The following ASTL variants were observed in gnomAD, a reference collection of about 807,000 sequenced individuals.
ASTL encodes the protein astacin-like metalloendopeptidase.
In ASTL, 27 loss-of-function variants were observed where a neutral mutation model predicts 36.7. That is an observed-to-expected ratio of 0.73 (90% CI 0.54 to 1.01). The LOEUF (loss-of-function observed/expected upper bound fraction) is 1.01. Among genes scored for constraint, ASTL ranks in the 50% least tolerant of loss-of-function variants. The probability of loss-of-function intolerance (pLI) is 0.00; values close to 1 mark genes in which losing one functional copy is unlikely to be tolerated. For synonymous variants in ASTL, 222 were observed against 228.1 expected (o/e 0.97, Z 0.24); for missense variants, 524 against 572.8 (o/e 0.91, Z 0.87).
In ASTL at chr2:96,124,042, G is replaced by A. The variant is rs1185564142; in HGVS notation, c.1104C>T (p.Ser368=). 1 of 1,613,970 alleles carries A rather than the reference G, an allele frequency of 6.2e-7. No homozygotes were observed. The highest frequency in any genetic ancestry group is 8.5e-7 in the Non-Finnish European group (1 of 1,179,948). ...ASARQPQTLA[S]SPRSRPGAGA... ...CTGCTCCAGGCCTTGATCTTGGGGA[G>A]GAAGCTAGGGTCTGAGGCTGCCTTG... Residue 368 remains serine, a synonymous_variant, in exon 9 of 9, where the codon TCC becomes TCT. Coordinates refer to ENST00000342380, the MANE Select transcript of ASTL (RefSeq NM_001002036.4). The surrounding 1 kb of genome is among the most constrained non-coding windows in gnomAD (Gnocchi z 4.1).
chr2:96,126,908 C>G lies in ASTL; in HGVS notation c.875-2637G>C, dbSNP rs914791345. The stretch of plus-strand genomic sequence containing the variant: ...AACATGGAGTTATTGTAGGACCTAG[C>G]AATTCCATTCCTAGCTGTATACCCA... On this transcript the variant is annotated intron_variant, in intron 8 of 8. Transcript: ENST00000342380. Among the ~76,000 whole-genome samples the G allele has an allele frequency of 1.3e-4, 19 of 151,710 alleles. 1 individual carries two copies. Among genetic ancestry groups the G allele is most frequent in the Non-Finnish European group, 2.6e-4 (18 of 67,966 alleles).
At chr2:96,130,253 G>T in intron 6 of ASTL, 108 bp from the exon 7 acceptor site, 1 of 846,744 alleles carries the variant, frequency 1.2e-6, no homozygotes, top group Non-Finnish European at 2.0e-6. Flanking sequence ...CACCCAAGCT[G>T]AGGGGCTGAG....
In ASTL at chr2:96,132,517, G is replaced by A. The variant is rs752138502; in HGVS notation, c.637+23C>T. ...GCTGTCCCCTCCCCGGCACCAGCCTGTCCTGCGTGTGGCCTGGCTCACCTG... is the reference window on the plus strand; with the variant it reads ...GCTGTCCCCTCCCCGGCACCAGCCTATCCTGCGTGTGGCCTGGCTCACCTG... On this transcript the variant is annotated intron_variant, in intron 6 of 8. Transcript: ENST00000342380. This position sits in a 1 kb window ranked among gnomAD's most constrained non-coding sequence, Gnocchi z 5.4. 13 of 1,574,054 alleles carry A rather than the reference G, an allele frequency of 8.3e-6. No individual in the cohort carries two copies. Among genetic ancestry groups the A allele is most frequent in the Admixed American group, 3.4e-5 (2 of 58,676 alleles).
rs1352129644 is a variant in ASTL, at chr2:96,123,951, A to T, written c.1195T>A (p.Ser399Thr). 6.2e-6 allele frequency: 10 copies of T among 1,613,880 alleles called. No homozygotes were observed. The African/African-American group carries it at 6.7e-5, about 11-fold the overall frequency. Reference sequence around the variant, plus strand: ...ACTGGCTGGATTCCTGCTTCTGAAGATGGGACTGTGGGCTTGGTGGACACT... The same window carrying T: ...ACTGGCTGGATTCCTGCTTCTGAAGTTGGGACTGTGGGCTTGGTGGACACT... Reference protein sequence around the residue: ...AGVSTKPTVPSSEAGIQPVPV... With the variant: ...AGVSTKPTVPTSEAGIQPVPV... The change falls in exon 9 of 9, where the codon TCT (serine) becomes ACT (threonine). Residue 399 changes from serine to threonine, a missense_variant. By Grantham distance (58) the Ser-to-Thr change is moderately conservative. Coordinates refer to ENST00000342380, the MANE Select transcript of ASTL (RefSeq NM_001002036.4).
chr2:96,126,054 A>T (rs557116289), intron 8 of ASTL, among the ~76,000 whole-genome samples: 2 of 152,172 alleles, frequency 1.3e-5, no homozygotes, highest in Non-Finnish European at 2.9e-5. Context: ...TAGGTCATAT[A>T]CCTAAATGTA....
At position 96,124,306 on chromosome 2, in the gene ASTL, A is replaced by G; in HGVS notation, c.875-35T>C. On this transcript the variant is annotated intron_variant, in intron 8 of 8. Coordinates refer to ENST00000342380, the MANE Select transcript of ASTL (RefSeq NM_001002036.4). This position sits in a 1 kb window ranked among gnomAD's most constrained non-coding sequence, Gnocchi z 4.1. ...AAAAGACAGGAGGTGGAACCTCAGA[A>G]CTGTAGGATGACATGTGGCCCAGCT... The G allele has an allele frequency of 6.7e-7, 1 of 1,481,978 alleles. No homozygotes were observed. The highest frequency in any genetic ancestry group is 1.5e-5 in the South Asian group (1 of 68,880). The allele number at this position is 1,481,978 out of a possible 1,614,324, so 91.8% of individuals were successfully genotyped here. A position where few individuals can be genotyped will look rare whatever the true frequency, so the allele number is the denominator to read the frequency against.
chr2:96,125,325 T>C (rs957330821), intron 8 of ASTL, among the ~76,000 whole-genome samples: 3 of 152,242 alleles, frequency 2.0e-5, no homozygotes, highest in Admixed American at 1.3e-4. Context: ...CCCTTCTCCC[T>C]ACCTCTGGTG....
At position 96,122,855 on chromosome 2, in the gene ASTL, A is replaced by G. The variant is rs1388986686; in HGVS notation, c.*995T>C. Among the ~76,000 whole-genome samples the G allele has an allele frequency of 6.6e-6, 1 of 152,138 alleles. No individual in the cohort carries two copies. Among genetic ancestry groups the G allele is most frequent in the East Asian group, 1.9e-4 (1 of 5,186 alleles). On this transcript the variant is annotated 3_prime_UTR_variant, in exon 9 of 9. Coordinates refer to ENST00000342380, the MANE Select transcript of ASTL (RefSeq NM_001002036.4). ...ACTCCACTTTATTTCCTCCCCCAACATGTGGGGCTCCTGCCCCTTCTACCC... is the reference window on the plus strand; with the variant it reads ...ACTCCACTTTATTTCCTCCCCCAACGTGTGGGGCTCCTGCCCCTTCTACCC...
chr2:96,132,870 C>T lies in ASTL; in HGVS notation c.456-149G>A. 2.9e-6 allele frequency: 2 copies of T among 697,822 alleles called. No individual in the cohort carries two copies. The highest frequency in any genetic ancestry group is 2.3e-6 in the Non-Finnish European group (1 of 439,274). The allele number at this position is 697,822 out of a possible 1,614,324, so 43.2% of individuals were successfully genotyped here. A position where few individuals can be genotyped will look rare whatever the true frequency, so the allele number is the denominator to read the frequency against. ...GGGCTCTAGTCTCAGGTTCACCATT[C>T]TCCAGGCCCCTTTACTGCCTGGACT... On this transcript the variant is annotated intron_variant, in intron 5 of 8. Transcript: ENST00000342380. The surrounding 1 kb of genome is among the most constrained non-coding windows in gnomAD (Gnocchi z 5.4).
At chr2:96,135,578 C>T (rs1366176446) in intron 2 of ASTL, among the ~76,000 whole-genome samples, 166 bp from the exon 3 acceptor site, 2 of 152,266 alleles carry the variant, frequency 1.3e-5, no homozygotes, top group Non-Finnish European at 2.9e-5. Flanking sequence ...GTCATCGGCT[C>T]TCCGAGCCTG....
In ASTL at chr2:96,133,958, C is replaced by A; in HGVS notation, c.337+7G>T. 6.2e-7 allele frequency: 1 copy of A among 1,600,068 alleles called. No individual in the cohort carries two copies. The highest frequency in any genetic ancestry group is 8.6e-7 in the Non-Finnish European group (1 of 1,167,274). Reference sequence around the variant, plus strand: ...AGGCAGGGAGGGAGCGCGCCATGCTCACTCACCGTACTTGCTGGAGAGCAG... The same window carrying A: ...AGGCAGGGAGGGAGCGCGCCATGCTAACTCACCGTACTTGCTGGAGAGCAG... On this transcript the variant is annotated splice_region_variant and intron_variant, in intron 4 of 8. Transcript: ENST00000342380.
At position 96,133,403 on chromosome 2, in the gene ASTL, G is replaced by C. The variant is rs777029474; in HGVS notation, c.455+22C>G. On this transcript the variant is annotated intron_variant, in intron 5 of 8. Transcript: ENST00000342380. Reference sequence around the variant, plus strand: ...TGAACGCAGAAGCGAGCTGAGATACGCATCCTGGCCCCGGCACTTACCCAT... The same window carrying C: ...TGAACGCAGAAGCGAGCTGAGATACCCATCCTGGCCCCGGCACTTACCCAT... 19 of 1,448,340 alleles carry C rather than the reference G, an allele frequency of 1.3e-5. No individual in the cohort carries two copies. The South Asian group carries it at 1.5e-4, about 11-fold the overall frequency. The allele number at this position is 1,448,340 out of a possible 1,614,324, so 89.7% of individuals were successfully genotyped here.
At position 96,130,049 on chromosome 2, in the gene ASTL, A is replaced by C. The variant is rs1222436035; in HGVS notation, c.719+15T>G. On this transcript the variant is annotated intron_variant, in intron 7 of 8. Transcript: ENST00000342380. ...GGCTGGGGGAAGCAGAGGGAGAAGAAGGCAGGGTCCTCACCTCCCATAGTG... is the reference window on the plus strand; with the variant it reads ...GGCTGGGGGAAGCAGAGGGAGAAGACGGCAGGGTCCTCACCTCCCATAGTG... The C allele has an allele frequency of 1.1e-5, 18 of 1,613,472 alleles. No homozygotes were observed. Among genetic ancestry groups the C allele is most frequent in the Middle Eastern group, 1.6e-4 (1 of 6,072 alleles).
In ASTL at chr2:96,132,056, TC is replaced by T. The variant is rs1682190452; in HGVS notation, c.637+483del. ...TGCTCACTGGCACCACTGGCACATG[TC>T]CCAGCCCCACAGTGCTGCCCTCAGC... On this transcript the variant is annotated intron_variant, in intron 6 of 8. Coordinates refer to ENST00000342380, the MANE Select transcript of ASTL (RefSeq NM_001002036.4). The surrounding 1 kb of genome is among the most constrained non-coding windows in gnomAD (Gnocchi z 5.4). 6.6e-6 allele frequency among the ~76,000 whole-genome samples: 1 copy of T among 152,192 alleles called. No homozygotes were observed. The highest frequency in any genetic ancestry group is 2.4e-5 in the African/African-American group (1 of 41,442).
In ASTL at chr2:96,132,719, C is replaced by G. The variant is rs1414975057; in HGVS notation, c.458G>C (p.Cys153Ser). The change falls in exon 6 of 9, where the codon TGC (cysteine) becomes TCC (serine). Residue 153 changes from cysteine to serine, a missense_variant and splice_region_variant. Physicochemically the swap from Cys to Ser is moderately radical, Grantham distance 112. Transcript: ENST00000342380. The surrounding 1 kb of genome is among the most constrained non-coding windows in gnomAD (Gnocchi z 5.4). ...TCCACTGCGCCCCACACTCGAGAAG[C>G]ACCTGCAGGGTGATGAGAGCAAGTG... Reference protein sequence around the residue: ...DFISIIPMYGCFSSVGRSGGM... With the variant: ...DFISIIPMYGSFSSVGRSGGM... 2 of 1,608,064 alleles carry G rather than the reference C, an allele frequency of 1.2e-6. No individual in the cohort carries two copies. The highest frequency in any genetic ancestry group is 1.7e-6 in the Non-Finnish European group (2 of 1,175,610).
chr2:96,132,632 T>C lies in ASTL; in HGVS notation c.545A>G (p.His182Arg), dbSNP rs147042054. 72 of 1,613,544 alleles carry C rather than the reference T, an allele frequency of 4.5e-5. No individual in the cohort carries two copies. The highest frequency in any genetic ancestry group is 6.1e-5 in the Non-Finnish European group (72 of 1,179,830). Residue 182 changes from histidine to arginine, a missense_variant, in exon 6 of 9, where the codon CAT becomes CGT. Transcript: ENST00000342380. The surrounding 1 kb of genome is among the most constrained non-coding windows in gnomAD (Gnocchi z 5.4). ...CLQKGRGIVL[H>R]ELMHVLGFWH... is the part of the protein sequence containing the mutation. ...GAAGCCCAGCACATGCATGAGCTCATGAAGGACAATGCCCCGGCCCTTCTG... is the reference window on the plus strand; with the variant it reads ...GAAGCCCAGCACATGCATGAGCTCACGAAGGACAATGCCCCGGCCCTTCTG...
rs1682353736 is a variant in ASTL, at chr2:96,138,501, G to A, written c.-65C>T. ...CCCAGCAAGACACAGTAACCTAATT[G>A]CAGAACCGGCACCACCACCCCCTCT... On this transcript the variant is annotated 5_prime_UTR_variant, in exon 1 of 9. Transcript: ENST00000342380. The A allele has an allele frequency of 1.4e-6, 2 of 1,381,062 alleles. No homozygotes were observed. Among genetic ancestry groups the A allele is most frequent in the Admixed American group, 1.9e-5 (1 of 52,858 alleles). 85.6% of individuals were successfully genotyped at this position (1,381,062 alleles called of 1,614,324 possible).
Position 96,129,876 on chromosome 2 carries a change from C to G in ASTL, c.822G>C (p.Arg274=). 3.1e-6 allele frequency: 5 copies of G among 1,600,612 alleles called. No homozygotes were observed. Among genetic ancestry groups the G allele is most frequent in the Non-Finnish European group, 4.3e-6 (5 of 1,170,762 alleles). ...GGCTGCAGCCGTAGAGTTTGAGGAC[C>G]CGGGTGATGTCCGAGGCACTCAGGT... ...RWNLSASDIT[R]VLKLYGCSPS... The change falls in exon 8 of 9, where the codon CGG becomes CGC. Residue 274 remains arginine (R), a synonymous_variant. Transcript: ENST00000342380.
intron 1 of ASTL, among the ~76,000 whole-genome samples, chr2:96,137,933 A>C (rs982745928): frequency 2.6e-5 from 4 of 152,180 alleles, no homozygotes; most frequent in Non-Finnish European, 4.4e-5. Flanking sequence ...AAAAGGGACC[A>C]TGTGCCCCAC....
Sources: allele counts gnomAD v4.1 joint callset (sites outside exome capture counted in the v4.1 genomes callset), GRCh38; gene constraint gnomAD v4.1.1; non-coding constraint Gnocchi (gnomAD v3.1); transcripts MANE v1.5; gene names NCBI Gene and HGNC (gene_info 2026-07-23, HGNC 2026-07-21).